Variants in DCC observed in about 807,000 individuals in gnomAD.
The protein encoded by DCC is DCC netrin 1 receptor, also known as netrin receptor DCC.
In DCC, 58 loss-of-function variants were observed where a neutral mutation model predicts 172.5. The observed-to-expected ratio is 0.34, with a 90% confidence interval of 0.27 to 0.42. DCC has a LOEUF of 0.42. Ranked by LOEUF, DCC falls within the 10% of genes least tolerant of loss-of-function variation. The probability of loss-of-function intolerance (pLI) is 1.00; values close to 1 mark genes in which losing one functional copy is unlikely to be tolerated. For missense variants in DCC, 1,740 were observed against 1,791.0 expected (o/e 0.97, Z 0.51); for synonymous variants, 709 against 644.5 (o/e 1.10, Z -1.52).
intron 15 of DCC, among the ~76,000 whole-genome samples, chr18:53,381,648 A>G (rs574648253): frequency 1.4e-5 from 2 of 145,762 alleles, no homozygotes; most frequent in Admixed American, 1.5e-4. Flanking sequence ...ATGGAAGACC[A>G]GACTTCAGTA....
At chr18:53,411,624 T>C (rs1407466036) in intron 20 of DCC, among the ~76,000 whole-genome samples, 1 of 152,160 alleles carries the variant, frequency 6.6e-6, no homozygotes, top group Non-Finnish European at 1.5e-5. Context: ...GGTACCCTAG[T>C]AAATAAGGGA....
intron 8 of DCC, among the ~76,000 whole-genome samples, chr18:53,158,080 G>A (rs2054773517): frequency 6.6e-6 from 1 of 151,932 alleles, no homozygotes; most frequent in Non-Finnish European, 1.5e-5. Flanking sequence ...AATACATCAT[G>A]TATCCCATAA....
chr18:53,258,243 C>T (rs1039591189), intron 12 of DCC, among the ~76,000 whole-genome samples: 1 of 151,868 alleles, frequency 6.6e-6, no homozygotes, highest in Non-Finnish European at 1.5e-5. Flanking sequence ...TTATTTCTTG[C>T]CTTCTGCTAG....
At chr18:52,824,547 T>A (rs1297895179) in intron 2 of DCC, among the ~76,000 whole-genome samples, 1 of 151,966 alleles carries the variant, frequency 6.6e-6, no homozygotes, top group African/African-American at 2.4e-5. Flanking sequence ...CAAAAAAAAA[T>A]TAGAGAATTT....
At chr18:52,773,596 G>A (rs779625624) in intron 2 of DCC, among the ~76,000 whole-genome samples, 11 of 151,938 alleles carry the variant, frequency 7.2e-5, no homozygotes, top group Middle Eastern at 3.2e-3. Flanking sequence ...GTGCGATCTC[G>A]GCTCACTGCA....
chr18:52,813,520 T>TCACAGGG (rs1378091101), intron 2 of DCC, among the ~76,000 whole-genome samples: 3 of 152,202 alleles, frequency 2.0e-5, no homozygotes, highest in Non-Finnish European at 4.4e-5. Context: ...AGGATATACT[T>TCACAGGG]CACAGGGGAC....
At chr18:53,203,359 A>C (rs1598902075) in intron 9 of DCC, among the ~76,000 whole-genome samples, 1 of 152,144 alleles carries the variant, frequency 6.6e-6, no homozygotes, top group East Asian at 1.9e-4. Context: ...TCATTCTTAA[A>C]ATTTCCTTTG....
At chr18:52,926,995 T>C (rs1227602124) in intron 5 of DCC, among the ~76,000 whole-genome samples, 2 of 138,998 alleles carry the variant, frequency 1.4e-5, no homozygotes, top group Non-Finnish European at 3.2e-5. Context: ...ATATATATTT[T>C]GTAATTTACA....
At chr18:53,216,008 T>C (rs1328308725) in intron 12 of DCC, among the ~76,000 whole-genome samples, 1 of 152,184 alleles carries the variant, frequency 6.6e-6, no homozygotes, top group Non-Finnish European at 1.5e-5. Flanking sequence ...TAGAATTGAA[T>C]ATTTCGTCAT....
chr18:53,233,901 G>A (rs1042311487), intron 12 of DCC, among the ~76,000 whole-genome samples: 6 of 152,080 alleles, frequency 3.9e-5, no homozygotes, highest in Non-Finnish European at 8.8e-5. Flanking sequence ...ATCACCTGCG[G>A]TCAGGAGTTT....
At chr18:53,485,502 C>T (rs1302323951) in intron 25 of DCC, among the ~76,000 whole-genome samples, 1 of 152,042 alleles carries the variant, frequency 6.6e-6, no homozygotes. Flanking sequence ...ATAGGAAATA[C>T]TAATCATTTA....
At chr18:53,083,273 C>A (rs544653993) in intron 7 of DCC, among the ~76,000 whole-genome samples, 1 of 152,022 alleles carries the variant, frequency 6.6e-6, no homozygotes, top group South Asian at 2.1e-4. Context: ...ATATTGTTGC[C>A]AAAAGAAATG....
chr18:53,343,142 A>G (rs1282242924), intron 15 of DCC, among the ~76,000 whole-genome samples: 2 of 151,728 alleles, frequency 1.3e-5, no homozygotes, highest in African/African-American at 2.4e-5. Flanking sequence ...TTAGTTTCTG[A>G]TCTCTGTCCC....
chr18:52,739,193 A>G (rs995787519), intron 1 of DCC, among the ~76,000 whole-genome samples: 22 of 152,202 alleles, frequency 1.4e-4, no homozygotes, highest in African/African-American at 5.1e-4. Flanking sequence ...GCAGTCCGTC[A>G]TTAACCAAAA....
At chr18:53,244,486 A>G (rs926113087) in intron 12 of DCC, among the ~76,000 whole-genome samples, 3 of 152,120 alleles carry the variant, frequency 2.0e-5, no homozygotes, top group African/African-American at 7.2e-5. Context: ...TTGTGTGTTG[A>G]CTGGGTTCAG....
intron 1 of DCC, among the ~76,000 whole-genome samples, chr18:52,482,468 C>T (rs542980294): frequency 6.6e-5 from 10 of 152,188 alleles, no homozygotes; most frequent in Non-Finnish European, 1.0e-4. Flanking sequence ...TCTAAGTTCT[C>T]GTGTCTGGGA....
At chr18:53,440,176 C>G (rs866046599) in intron 22 of DCC, among the ~76,000 whole-genome samples, 1 of 152,096 alleles carries the variant, frequency 6.6e-6, no homozygotes, top group Non-Finnish European at 1.5e-5. Context: ...GTATAAATGA[C>G]GGAACTATGA....
At chr18:52,493,217 C>T (rs2030592242) in intron 1 of DCC, among the ~76,000 whole-genome samples, 1 of 151,954 alleles carries the variant, frequency 6.6e-6, no homozygotes, top group Non-Finnish European at 1.5e-5. Context: ...AATGGCTGCT[C>T]CTCCCAGACT....
At chr18:53,119,615 G>C (rs1187038252) in intron 7 of DCC, among the ~76,000 whole-genome samples, 1 of 151,834 alleles carries the variant, frequency 6.6e-6, no homozygotes, top group Non-Finnish European at 1.5e-5. Context: ...GATCTGGAAA[G>C]GTATGTGATA....
Sources: allele counts gnomAD v4.1 joint callset (sites outside exome capture counted in the v4.1 genomes callset), GRCh38; gene constraint gnomAD v4.1.1; transcripts MANE v1.5; gene names NCBI Gene and HGNC (gene_info 2026-07-23, HGNC 2026-07-21).